The following ADAM33 variants were observed in gnomAD, a reference collection of about 807,000 sequenced individuals.
ADAM33 encodes the protein ADAM metallopeptidase domain 33, also known as disintegrin and metalloproteinase domain-containing protein 33.
Under a neutral mutation model 106.2 loss-of-function variants are expected in ADAM33, and 103 were observed. The ratio of observed to expected loss-of-function variants is 0.97; its 90% CI spans 0.83 to 1.14. ADAM33 has a LOEUF of 1.14. Among genes scored for constraint, ADAM33 ranks in the 50% most tolerant of loss-of-function variants. ADAM33 has a pLI of 0.00. For missense variants in ADAM33, 1,120 were observed against 1,096.6 expected (o/e 1.02, Z -0.30); for synonymous variants, 483 against 453.0 (o/e 1.07, Z -0.84).
chr20:3,669,835 C>A, intron 19 of ADAM33, 198 bp from the exon 20 acceptor site: 4 of 677,944 alleles, frequency 5.9e-6, no homozygotes, highest in Non-Finnish European at 1.1e-5. Context: ...TCCAAGTGAG[C>A]CTCATGCCCT....
At chr20:3,679,041 G>T (rs947296215) in intron 2 of ADAM33, among the ~76,000 whole-genome samples, 2 of 152,026 alleles carry the variant, frequency 1.3e-5, no homozygotes, top group Admixed American at 6.5e-5. Context: ...GAGGCTGAAG[G>T]TTCAGGCCTT....
Position 3,674,515 on chromosome 20 carries a change from G to GACCA in ADAM33, c.585_588dup (p.Pro197TrpfsTer151), listed in dbSNP as rs1255266895. The GACCA allele has an allele frequency of 6.2e-7, 1 of 1,613,296 alleles. No homozygotes were observed. Among genetic ancestry groups the GACCA allele is most frequent in the East Asian group, 2.2e-5 (1 of 44,888 alleles). Reference sequence around the variant, plus strand: ...TCGATGCCCCTGACCCTGCTCTGGGGACCACCAGGAAGGCTGGTCATGCCC... The same window carrying GACCA: ...TCGATGCCCCTGACCCTGCTCTGGGGACCAACCACCAGGAAGGCTGGTCATGCCC... On this transcript the variant is annotated frameshift_variant, in exon 6 of 22. Coordinates refer to ENST00000356518, the MANE Select transcript of ADAM33 (RefSeq NM_025220.5). LOFTEE classifies it high-confidence loss of function.
At chr20:3,673,084 G>C in intron 11 of ADAM33, 186 bp from the exon 12 acceptor site, 1 of 1,449,862 alleles carries the variant, frequency 6.9e-7, no homozygotes, top group Non-Finnish European at 9.0e-7. Flanking sequence ...TGAGCAGCCC[G>C]GGACCCAAGG....
rs41351544 is a variant in ADAM33, at chr20:3,679,709, G to A, written c.98-138C>T. On this transcript the variant is annotated intron_variant, in intron 1 of 21. Coordinates refer to ENST00000356518, the MANE Select transcript of ADAM33 (RefSeq NM_025220.5). ...GGGGCAGACTTCACCTTCAACACGC[G>A]TGGGCTCAGCCTGGAGAAGGAGGGA... The A allele has an allele frequency of 2.9e-3, 2,011 of 682,520 alleles. 18 individuals are homozygous for A. The African/African-American group carries it at 0.032, about 11-fold the overall frequency. 42.3% of individuals were successfully genotyped at this position (682,520 alleles called of 1,614,324 possible). A position where few individuals can be genotyped will look rare whatever the true frequency, so the allele number is the denominator to read the frequency against.
chr20:3,676,150 G>C (rs1265910286), intron 3 of ADAM33, among the ~76,000 whole-genome samples: 1 of 152,218 alleles, frequency 6.6e-6, no homozygotes, highest in Non-Finnish European at 1.5e-5. Context: ...TTAAGAGCCT[G>C]CGCTCCAGCC....
chr20:3,675,229 C>A lies in ADAM33; in HGVS notation c.255-124G>T. Reference sequence around the variant, plus strand: ...TATGAGTGAGACACTCACAGTGTGTCTTAGGGAAGGGACAGGAGCAATGGT... The same window carrying A: ...TATGAGTGAGACACTCACAGTGTGTATTAGGGAAGGGACAGGAGCAATGGT... On this transcript the variant is annotated intron_variant, in intron 3 of 21. Transcript: ENST00000356518. This position sits in a 1 kb window ranked among gnomAD's most constrained non-coding sequence, Gnocchi z 4.1. 1 of 720,014 alleles carries A rather than the reference C, an allele frequency of 1.4e-6. No individual in the cohort carries two copies. Among genetic ancestry groups the A allele is most frequent in the South Asian group, 1.7e-5 (1 of 57,394 alleles). 44.6% of individuals were successfully genotyped at this position (720,014 alleles called of 1,614,324 possible).
rs777907426 is a variant in ADAM33, at chr20:3,672,746, T to C, written c.1286A>G (p.Glu429Gly). Residue 429 changes from glutamate to glycine, a missense_variant, in exon 12 of 22, where the codon GAG becomes GGG. By Grantham distance (98) the Glu-to-Gly change is moderately conservative. Coordinates refer to ENST00000356518, the MANE Select transcript of ADAM33 (RefSeq NM_025220.5). ...CTGGCCAGGGCCGCAGTCACACTCCTCGCCCGCTTCCACGAAGCCGTTCCC... is the reference window on the plus strand; with the variant it reads ...CTGGCCAGGGCCGCAGTCACACTCCCCGCCCGCTTCCACGAAGCCGTTCCC... ...LCGNGFVEAG[E>G]ECDCGPGQEC... The C allele has an allele frequency of 2.0e-4, 306 of 1,568,420 alleles. No individual in the cohort carries two copies. Among genetic ancestry groups the C allele is most frequent in the Admixed American group, 4.0e-4 (22 of 54,920 alleles).
At chr20:3,676,872 C>T (rs2088011792) in intron 3 of ADAM33, among the ~76,000 whole-genome samples, 195 bp downstream of exon 3, 1 of 152,190 alleles carries the variant, frequency 6.6e-6, no homozygotes, top group African/African-American at 2.4e-5. Context: ...GCGGAGGTGC[C>T]CCACAGCGGG....
In ADAM33 at chr20:3,674,681, G is replaced by A. The variant is rs1170952343; in HGVS notation, c.423C>T (p.Thr141=). 6.2e-7 allele frequency: 1 copy of A among 1,609,798 alleles called. No individual in the cohort carries two copies. The highest frequency in any genetic ancestry group is 8.5e-7 in the Non-Finnish European group (1 of 1,178,446). The part of the protein sequence containing the change: ...CTCSGMSGLI[T]LSRNASYYLR... ...GATAATAGCTGGCATTCCTGCTGAG[G>A]GTGATCAGGCCACTAGGGTGCAGAG... Residue 141 remains threonine, a synonymous_variant, in exon 6 of 22, where the codon ACC becomes ACT. Coordinates refer to ENST00000356518, the MANE Select transcript of ADAM33 (RefSeq NM_025220.5).
At chr20:3,674,160 C>G in intron 7 of ADAM33, 25 bp from the exon 8 acceptor site, 2 of 1,614,198 alleles carry the variant, frequency 1.2e-6, no homozygotes, top group Non-Finnish European at 1.7e-6. Flanking sequence ...ATCCCGGTGG[C>G]TTGAGGGGCT....
At position 3,673,642 on chromosome 20, in the gene ADAM33, C is replaced by A; in HGVS notation, c.922G>T (p.Gly308Cys). The change falls in exon 10 of 22, where the codon GGC (glycine) becomes TGC (cysteine). Residue 308 changes from glycine to cysteine, a missense_variant. Gly to Cys is a radical substitution (Grantham distance 159, BLOSUM62 -3). Transcript: ENST00000356518. Reference sequence around the variant, plus strand: ...ACGGGCGCCAGGCCCACTGTGGCGCCCTGGAAGGCGCGGCCCCTGGGGGCG... The same window carrying A: ...ACGGGCGCCAGGCCCACTGTGGCGCACTGGAAGGCGCGGCCCCTGGGGGCG... ...AQLLTGRAFQ[G>C]ATVGLAPVEG... The A allele has an allele frequency of 7.4e-7, 1 of 1,349,808 alleles. No homozygotes were observed. Among genetic ancestry groups the A allele is most frequent in the Non-Finnish European group, 9.5e-7 (1 of 1,058,092 alleles). 83.6% of individuals were successfully genotyped at this position (1,349,808 alleles called of 1,614,324 possible).
chr20:3,680,641 G>A (rs559449100), intron 1 of ADAM33, among the ~76,000 whole-genome samples: 2 of 152,076 alleles, frequency 1.3e-5, no homozygotes, highest in East Asian at 1.9e-4. Flanking sequence ...GAGTGGATGT[G>A]GGGGAGGGGA....
rs1453197059 is a variant in ADAM33 at position 3,680,656 on chromosome 20, G to A, written c.98-1085C>T. Among the ~76,000 whole-genome samples the A allele has an allele frequency of 2.6e-5, 4 of 152,296 alleles. No homozygotes were observed. In the East Asian group the frequency reaches 5.8e-4, roughly 22 times the overall value. On this transcript the variant is annotated intron_variant, in intron 1 of 21. Transcript: ENST00000356518. ...GAGTGGATGTGGGGGAGGGGAAGGA[G>A]GGGAGGTCTCTCAGCCCAGAGAGCA...
At position 3,674,211 on chromosome 20, in the gene ADAM33, C is replaced by T. The variant is rs748751537; in HGVS notation, c.666+8G>A. 23 of 1,614,126 alleles carry T rather than the reference C, an allele frequency of 1.4e-5. No individual in the cohort carries two copies. The highest frequency in any genetic ancestry group is 1.9e-5 in the Non-Finnish European group (23 of 1,180,038). On this transcript the variant is annotated splice_region_variant and intron_variant, in intron 7 of 21. Transcript: ENST00000356518. ...CTGACCCCGCCAACCCCTGGGGTCTCTCCTCACCAGGGTGTGGTCTGCCAC... is the reference window on the plus strand; with the variant it reads ...CTGACCCCGCCAACCCCTGGGGTCTTTCCTCACCAGGGTGTGGTCTGCCAC...
At chr20:3,674,733 T>C (rs1237441516) in intron 5 of ADAM33, 40 bp from the exon 6 acceptor site, 4 of 1,593,364 alleles carry the variant, frequency 2.5e-6, no homozygotes, top group Non-Finnish European at 3.4e-6. Context: ...GAGGGAGCTC[T>C]TTCCCCATCC....
At position 3,673,840 on chromosome 20, in the gene ADAM33, G is replaced by C; in HGVS notation, c.810C>G (p.Arg270=). 3 of 1,565,114 alleles carry C rather than the reference G, an allele frequency of 1.9e-6. No homozygotes were observed. Among genetic ancestry groups the C allele is most frequent in the Non-Finnish European group, 2.6e-6 (3 of 1,163,506 alleles). ...GCGTGGCGTTGGCGTCCTGCGTGAC[G>C]CGGCTGCGGTCCCGCTCGGTCCACA... ...LEVWTERDRS[R]VTQDANATLW... Residue 270 remains arginine, a synonymous_variant, in exon 9 of 22, where the codon CGC becomes CGG. Coordinates refer to ENST00000356518, the MANE Select transcript of ADAM33 (RefSeq NM_025220.5).
intron 11 of ADAM33, 31 bp downstream of exon 11, chr20:3,673,323 C>A: frequency 6.5e-7 from 1 of 1,536,252 alleles, no homozygotes; most frequent in South Asian, 1.2e-5. Context: ...ACTAGCCGCC[C>A]CGCCGCAGCC....
intron 2 of ADAM33, among the ~76,000 whole-genome samples, chr20:3,677,435 C>T (rs977151471): frequency 6.6e-6 from 1 of 152,202 alleles, no homozygotes; most frequent in African/African-American, 2.4e-5. Context: ...CAGAAAGGTG[C>T]CCCTCCCCTG....
intron 2 of ADAM33, 110 bp from the exon 3 acceptor site, chr20:3,677,253 G>T: frequency 1.1e-6 from 1 of 893,946 alleles, no homozygotes; most frequent in Non-Finnish European, 1.6e-6. Context: ...GGGAGAACGT[G>T]GGCTGGGGAG....
Sources: allele counts gnomAD v4.1 joint callset (sites outside exome capture counted in the v4.1 genomes callset), GRCh38; gene constraint gnomAD v4.1.1; non-coding constraint Gnocchi (gnomAD v3.1); transcripts MANE v1.5; gene names NCBI Gene and HGNC (gene_info 2026-07-23, HGNC 2026-07-21).